The following MACO1 variants were observed in gnomAD, a reference collection of about 807,000 sequenced individuals.
MACO1 encodes macoilin 1.
MACO1 carries 14 observed loss-of-function variants against 78.7 expected under a neutral mutation model. The observed-to-expected ratio is 0.18, with a 90% CI of 0.12 to 0.28. The LOEUF (loss-of-function observed/expected upper bound fraction) is 0.28, where lower values mean the gene tolerates loss of function less well. Ranked by LOEUF, MACO1 falls within the 10% of genes least tolerant of loss-of-function variation. MACO1 has a pLI of 1.00. For missense variants in MACO1, 501 were observed against 799.0 expected, an observed-to-expected ratio of 0.63 and a Z score of 4.50; for synonymous variants, 288 against 291.6, an observed-to-expected ratio of 0.99 and a Z score of 0.12.
intron 4 of MACO1, among the ~76,000 whole-genome samples, chr1:25,455,341 C>T (rs190412293): frequency 2.0e-5 from 3 of 152,144 alleles, no homozygotes; most frequent in Non-Finnish European, 4.4e-5. Context: ...GAACTTACCA[C>T]CTAATGTATG....
At chr1:25,496,368 G>A (rs1428221682) in intron 10 of MACO1, among the ~76,000 whole-genome samples, 4 of 151,944 alleles carry the variant, frequency 2.6e-5, no homozygotes, top group Admixed American at 6.5e-5. Flanking sequence ...GGCTGGTCTC[G>A]AACTCCTGGG....
chr1:25,450,646 C>G (rs1363423971), intron 3 of MACO1, among the ~76,000 whole-genome samples: 4 of 152,224 alleles, frequency 2.6e-5, no homozygotes, highest in Admixed American at 2.0e-4. Flanking sequence ...TTTAAAGTAT[C>G]TGCTATGAGC....
Position 25,454,342 on chromosome 1 carries a change from A to G in MACO1, c.433A>G (p.Asn145Asp). The change falls in exon 4 of 11, where the codon AAC becomes GAC. Residue 145 changes from asparagine (N) to aspartate (D), a missense_variant. By Grantham distance (23) the Asn-to-Asp change is conservative. Around this residue, in one of 5 missense-constraint regions of MACO1, gnomAD observed 171 missense variants for 292.1 expected, o/e 0.59. Coordinates refer to ENST00000374343, the MANE Select transcript of MACO1 (RefSeq NM_018202.6). ...AGCCATTAGATTTAAAGATCTCAAA[A>G]ACTTTCATGTAGACCTTTGTCGTCC... ...EAAIRFKDLK[N>D]FHVDLCRPFA... 6.2e-7 allele frequency: 1 copy of G among 1,611,678 alleles called. No individual in the cohort carries two copies. Among genetic ancestry groups the G allele is most frequent in the South Asian group, 1.1e-5 (1 of 90,536 alleles).
chr1:25,478,672 T>G (rs915969159), intron 6 of MACO1, among the ~76,000 whole-genome samples: 22 of 152,236 alleles, frequency 1.4e-4, no homozygotes, highest in African/African-American at 5.3e-4. Context: ...GAGTGCTATC[T>G]TTTGAAATTA....
chr1:25,442,544 G>T (rs2042981694), intron 1 of MACO1, among the ~76,000 whole-genome samples: 1 of 152,202 alleles, frequency 6.6e-6, no homozygotes, highest in Non-Finnish European at 1.5e-5. Flanking sequence ...AAATGATCTA[G>T]ATGATAAGCA....
chr1:25,491,677 G>T, intron 10 of MACO1, 93 bp downstream of exon 10: 1 of 1,070,446 alleles, frequency 9.3e-7, no homozygotes, highest in Non-Finnish European at 1.4e-6. Context: ...CAACCAAGGG[G>T]CATTTCAGTT....
intron 9 of MACO1, among the ~76,000 whole-genome samples, chr1:25,490,103 C>A (rs1172549402): frequency 6.6e-6 from 1 of 151,938 alleles, no homozygotes; most frequent in Non-Finnish European, 1.5e-5. Context: ...ATATACTTGA[C>A]CTTGAAACAA....
At position 25,454,402 on chromosome 1, in the gene MACO1, ATGTG is replaced by A; in HGVS notation, c.473+32_473+35del. The A allele has an allele frequency of 3.2e-6, 5 of 1,538,506 alleles. No individual in the cohort carries two copies. Among genetic ancestry groups the A allele is most frequent in the South Asian group, 1.2e-5 (1 of 84,902 alleles). On this transcript the variant is annotated intron_variant, in intron 4 of 10. Transcript: ENST00000374343. ...TCACTGGTAAGTATTACATAAATGT[ATGTG>A]TGTGTGTGTGTATATGTGTGTATGT...
chr1:25,446,700 T>G, intron 1 of MACO1, 62 bp from the exon 2 acceptor site: 1 of 1,468,682 alleles, frequency 6.8e-7, no homozygotes, highest in Non-Finnish European at 9.1e-7. Context: ...AAACAGTGAA[T>G]TTTCTATTTC....
chr1:25,472,388 CG>C (rs1417349967), intron 6 of MACO1, among the ~76,000 whole-genome samples: 1 of 151,750 alleles, frequency 6.6e-6, no homozygotes, highest in African/African-American at 2.4e-5. Context: ...CAACAGGCCC[CG>C]GTGTGTGATG....
intron 4 of MACO1, among the ~76,000 whole-genome samples, chr1:25,456,273 AG>A (rs939073776): frequency 6.6e-6 from 1 of 151,488 alleles, no homozygotes; most frequent in African/African-American, 2.4e-5. Flanking sequence ...AAAAAAAAAA[AG>A]GGTACAGGTA....
chr1:25,462,118 C>T (rs1223421366), intron 6 of MACO1, among the ~76,000 whole-genome samples: 3 of 152,090 alleles, frequency 2.0e-5, no homozygotes, highest in Admixed American at 6.6e-5. Flanking sequence ...GGTTTGTTAT[C>T]CAGATGGAGC....
At chr1:25,445,989 T>C (rs1193393693) in intron 1 of MACO1, among the ~76,000 whole-genome samples, 3 of 152,222 alleles carry the variant, frequency 2.0e-5, no homozygotes, top group Non-Finnish European at 4.4e-5. Context: ...TTTTTTTCTG[T>C]GTCCTTGTTT....
intron 1 of MACO1, among the ~76,000 whole-genome samples, 157 bp downstream of exon 1, chr1:25,431,335 G>A (rs924225792): frequency 2.7e-5 from 4 of 147,294 alleles, no homozygotes; most frequent in African/African-American, 9.8e-5. Flanking sequence ...CCCGCCCGCC[G>A]GGGTCCGCCC....
At chr1:25,487,737 A>T (rs530922965) in intron 8 of MACO1, among the ~76,000 whole-genome samples, 3 of 151,934 alleles carry the variant, frequency 2.0e-5, no homozygotes, top group Non-Finnish European at 2.9e-5. Context: ...TGGGGGGAAA[A>T]TTTTTTTCTA....
intron 3 of MACO1, 103 bp from the exon 4 acceptor site, chr1:25,454,152 TGAAG>T: frequency 7.8e-7 from 1 of 1,279,586 alleles, no homozygotes; most frequent in Non-Finnish European, 1.0e-6. Context: ...TTAGTTTAGG[TGAAG>T]GTCTTAATGA....
intron 4 of MACO1, among the ~76,000 whole-genome samples, chr1:25,455,537 T>C (rs2043111551): frequency 6.6e-6 from 1 of 152,216 alleles, no homozygotes; most frequent in African/African-American, 2.4e-5. Flanking sequence ...TAATTATAAA[T>C]TGATACATTT....
intron 3 of MACO1, among the ~76,000 whole-genome samples, chr1:25,449,782 G>A (rs2043048832): frequency 6.6e-6 from 1 of 152,254 alleles, no homozygotes; most frequent in Non-Finnish European, 1.5e-5. Context: ...ACTTTGGGAG[G>A]CTGAGGCAGG....
chr1:25,461,450 C>CT (rs1557666151), intron 6 of MACO1, among the ~76,000 whole-genome samples: 1 of 152,140 alleles, frequency 6.6e-6, no homozygotes, highest in Non-Finnish European at 1.5e-5. Context: ...TATTTACTGT[C>CT]TGAGTGGCCT....
Sources: allele counts gnomAD v4.1 joint callset (sites outside exome capture counted in the v4.1 genomes callset), GRCh38; gene constraint gnomAD v4.1.1; regional missense constraint gnomAD v4.1.1; transcripts MANE v1.5; gene names NCBI Gene and HGNC (gene_info 2026-07-23, HGNC 2026-07-21).